Variants in STK39 observed in about 807,000 individuals in gnomAD.
The protein encoded by STK39 is serine/threonine kinase 39, also known as STE20/SPS1-related proline-alanine-rich protein kinase.
Under a neutral mutation model 77.8 loss-of-function variants are expected in STK39, and 20 were observed. The observed-to-expected ratio is 0.26, with a 90% CI of 0.18 to 0.37. STK39 has a LOEUF of 0.37. Ranked by LOEUF, STK39 falls within the 10% of genes least tolerant of loss-of-function variation. STK39 has a pLI of 1.00. For synonymous variants in STK39, 246 were observed against 234.1 expected (o/e 1.05, Z -0.47); for missense variants, 479 against 656.5 (o/e 0.73, Z 2.95).
intron 5 of STK39, among the ~76,000 whole-genome samples, chr2:168,154,391 G>A (rs569875106): frequency 3.9e-5 from 6 of 152,258 alleles, no homozygotes; most frequent in Non-Finnish European, 8.8e-5. Flanking sequence ...AATGACCACT[G>A]GGGGCCTAGA....
At chr2:168,204,306 C>G (rs1385436692) in intron 1 of STK39, among the ~76,000 whole-genome samples, 4 of 152,186 alleles carry the variant, frequency 2.6e-5, no homozygotes, top group African/African-American at 9.7e-5. Flanking sequence ...GATACAAGCA[C>G]GGGTTTCCTC....
intron 4 of STK39, 98 bp downstream of exon 4, chr2:168,163,641 C>A: frequency 6.2e-7 from 1 of 1,603,742 alleles, no homozygotes; most frequent in Non-Finnish European, 8.5e-7. Flanking sequence ...AGAGGTCACA[C>A]CTGTGAATCT....
chr2:167,955,409 G>T lies in STK39; in HGVS notation c.*87C>A. ...CTAGGAAATGGGAGTGAGGGGGTGG[G>T]AGGAAATGGGCAGAAAGAGGGAGGG... On this transcript the variant is annotated 3_prime_UTR_variant, in exon 18 of 18. Transcript: ENST00000355999. The T allele has an allele frequency of 7.7e-7, 1 of 1,305,072 alleles. No individual in the cohort carries two copies. The highest frequency in any genetic ancestry group is 1.1e-6 in the Non-Finnish European group (1 of 928,252). 80.8% of individuals were successfully genotyped at this position (1,305,072 alleles called of 1,614,324 possible).
intron 1 of STK39, among the ~76,000 whole-genome samples, chr2:168,240,813 C>T (rs192523136): frequency 1.3e-5 from 2 of 152,338 alleles, no homozygotes; most frequent in Admixed American, 1.3e-4. Context: ...AGATGTGGAT[C>T]TGGGGCAGGC....
At chr2:168,128,224 A>G (rs188285197) in intron 10 of STK39, among the ~76,000 whole-genome samples, 79 of 152,322 alleles carry the variant, frequency 5.2e-4, no homozygotes, top group Non-Finnish European at 9.6e-4. Context: ...GACATGTACT[A>G]TATAAGCTAA....
intron 1 of STK39, among the ~76,000 whole-genome samples, chr2:168,211,259 C>A (rs1374587542): frequency 6.6e-6 from 1 of 152,192 alleles, no homozygotes; most frequent in Non-Finnish European, 1.5e-5. Context: ...AAGAGTGTTA[C>A]TAAATATGGA....
chr2:167,986,617 TAAG>T (rs1395206922), intron 16 of STK39, among the ~76,000 whole-genome samples: 1 of 152,116 alleles, frequency 6.6e-6, no homozygotes, highest in African/African-American at 2.4e-5. Flanking sequence ...ACTTTTAAGA[TAAG>T]TAACAGGTAA....
rs190144510 is a variant in STK39, at chr2:168,222,734, T to C, written c.208+24494A>G. Among the ~76,000 whole-genome samples, 594 of 152,286 alleles carry C rather than the reference T, an allele frequency of 3.9e-3. 3 individuals carry two copies. The highest frequency in any genetic ancestry group is 5.3e-3 in the Non-Finnish European group (360 of 68,032). ...AGGTGCTTAACTAATGTTTATTGCATGACGGTGAATTCTCTAGTCAGTGAA... is the reference window on the plus strand; with the variant it reads ...AGGTGCTTAACTAATGTTTATTGCACGACGGTGAATTCTCTAGTCAGTGAA... On this transcript the variant is annotated intron_variant, in intron 1 of 17. Transcript: ENST00000355999.
rs112613774 is a variant in STK39 at position 168,071,686 on chromosome 2, G to A, written c.1242+3296C>T. Reference sequence around the variant, plus strand: ...CACGAGGTCAGGAGATCGAGACCACGGTGAAACCCTGTCTCTACTAAAAAT... The same window carrying A: ...CACGAGGTCAGGAGATCGAGACCACAGTGAAACCCTGTCTCTACTAAAAAT... On this transcript the variant is annotated intron_variant, in intron 12 of 17. Coordinates refer to ENST00000355999, the MANE Select transcript of STK39 (RefSeq NM_013233.3). Among the ~76,000 whole-genome samples, 148 of 152,044 alleles carry A rather than the reference G, an allele frequency of 9.7e-4. 1 individual carries two copies. Among genetic ancestry groups the A allele is most frequent in the African/African-American group, 3.4e-3 (140 of 41,462 alleles).
At chr2:167,957,840 A>C (rs1201429285) in intron 17 of STK39, among the ~76,000 whole-genome samples, 1 of 152,392 alleles carries the variant, frequency 6.6e-6, no homozygotes, top group East Asian at 1.9e-4. Flanking sequence ...AACTTACTAG[A>C]GTAGGTGATA....
intron 1 of STK39, among the ~76,000 whole-genome samples, chr2:168,234,578 C>T (rs913392811): frequency 1.3e-5 from 2 of 152,118 alleles, no homozygotes; most frequent in Admixed American, 6.5e-5. Context: ...CTTCCTGTTC[C>T]TCCACCTTAC....
chr2:168,035,075 T>C (rs1415888782), intron 14 of STK39, among the ~76,000 whole-genome samples: 2 of 152,208 alleles, frequency 1.3e-5, no homozygotes, highest in Non-Finnish European at 2.9e-5. Flanking sequence ...ATATCAAAGT[T>C]GGTCGTTAAT....
chr2:168,226,416 CCTTA>C (rs1690307445), intron 1 of STK39, among the ~76,000 whole-genome samples: 1 of 152,150 alleles, frequency 6.6e-6, no homozygotes. Flanking sequence ...AGTCCCTGTT[CCTTA>C]CAACCTAAAG....
intron 10 of STK39, among the ~76,000 whole-genome samples, chr2:168,118,734 G>A (rs952652714): frequency 4.6e-5 from 7 of 151,930 alleles, no homozygotes; most frequent in Non-Finnish European, 5.9e-5. Flanking sequence ...GCGAACACCA[G>A]TCAAGCCACA....
intron 14 of STK39, among the ~76,000 whole-genome samples, chr2:168,059,928 G>A (rs1459848765): frequency 1.3e-5 from 2 of 152,094 alleles, no homozygotes; most frequent in African/African-American, 4.8e-5. Flanking sequence ...CAAGAAGTCT[G>A]CCTTTTCTTT....
At chr2:167,993,307 G>A (rs1420511031) in intron 16 of STK39, among the ~76,000 whole-genome samples, 1 of 152,212 alleles carries the variant, frequency 6.6e-6, no homozygotes, top group East Asian at 1.9e-4. Context: ...ACCAATCACA[G>A]GGGAGGAGAA....
At chr2:168,169,631 C>CGTGTGTATGTGTGT (rs1688772896) in intron 2 of STK39, among the ~76,000 whole-genome samples, 1 of 145,828 alleles carries the variant, frequency 6.9e-6, no homozygotes, top group African/African-American at 2.5e-5. Flanking sequence ...TTGCAGTGAG[C>CGTGTGTATGTGTGT]GTGTGTGTGT....
At chr2:168,245,641 G>A (rs1320027443) in intron 1 of STK39, among the ~76,000 whole-genome samples, 13 of 152,348 alleles carry the variant, frequency 8.5e-5, no homozygotes, top group Non-Finnish European at 1.5e-5. Context: ...TGGAAGACCA[G>A]ATGTGCGGAA....
chr2:168,055,128 A>G (rs1685490751), intron 14 of STK39, among the ~76,000 whole-genome samples: 1 of 152,234 alleles, frequency 6.6e-6, no homozygotes, highest in African/African-American at 2.4e-5. Context: ...ACTGAACACT[A>G]TGCCTACACT....
Sources: allele counts gnomAD v4.1 joint callset (sites outside exome capture counted in the v4.1 genomes callset), GRCh38; gene constraint gnomAD v4.1.1; transcripts MANE v1.5; gene names NCBI Gene and HGNC (gene_info 2026-07-23, HGNC 2026-07-21).